The following DPP6 variants were observed in gnomAD, a reference collection of about 807,000 sequenced individuals.
DPP6 encodes A-type potassium channel modulatory protein DPP6.
DPP6 carries 69 observed loss-of-function variants against 122.6 expected under a neutral mutation model. The observed-to-expected ratio is 0.56, with a 90% CI of 0.46 to 0.69. The LOEUF (loss-of-function observed/expected upper bound fraction) is 0.69. DPP6 is among the 30% of genes least tolerant of loss of function. DPP6 has a pLI of 0.00. For missense variants in DPP6, 928 were observed against 1,116.9 expected, an observed-to-expected ratio of 0.83 and a Z score of 2.41; for synonymous variants, 418 against 433.1, an observed-to-expected ratio of 0.97 and a Z score of 0.43.
intron 7 of DPP6, among the ~76,000 whole-genome samples, chr7:154,679,527 G>A (rs543998628): frequency 1.9e-4 from 29 of 152,154 alleles, no homozygotes; most frequent in Admixed American, 7.9e-4. Context: ...GTTACAGCCT[G>A]GCTCAGGGTT....
At chr7:154,110,131 T>C (rs1806468912) in intron 1 of DPP6, among the ~76,000 whole-genome samples, 1 of 151,834 alleles carries the variant, frequency 6.6e-6, no homozygotes, top group Non-Finnish European at 1.5e-5. Context: ...TTGTCAACTG[T>C]GGCTTTCAGG....
chr7:154,706,922 A>G (rs1199564813), intron 7 of DPP6, among the ~76,000 whole-genome samples: 3 of 152,132 alleles, frequency 2.0e-5, no homozygotes, highest in Non-Finnish European at 4.4e-5. Context: ...GGGGCTTTTC[A>G]TCTTGATTTT....
At chr7:154,017,243 GT>G in intron 1 of DPP6, among the ~76,000 whole-genome samples, 1 of 152,160 alleles carries the variant, frequency 6.6e-6, no homozygotes, top group Middle Eastern at 3.4e-3. Context: ...AATTTTTTGA[GT>G]TTTTGTAGAG....
intron 10 of DPP6, among the ~76,000 whole-genome samples, chr7:154,790,289 G>A (rs1245651569): frequency 3.3e-5 from 5 of 152,184 alleles, no homozygotes; most frequent in Admixed American, 1.3e-4. Context: ...ATGAGATGTT[G>A]CTATGCGGGT....
At chr7:153,907,204 T>C (rs1799887309) in intron 1 of DPP6, among the ~76,000 whole-genome samples, 2 of 152,232 alleles carry the variant, frequency 1.3e-5, no homozygotes, top group Admixed American at 6.5e-5. Context: ...TTCTGAGTGC[T>C]GTAAGATGGT....
chr7:154,097,821 G>A (rs1180102394), intron 1 of DPP6, among the ~76,000 whole-genome samples: 1 of 152,198 alleles, frequency 6.6e-6, no homozygotes, highest in Non-Finnish European at 1.5e-5. Flanking sequence ...AGGAGGCCTC[G>A]GGTGCTAGCC....
chr7:154,098,331 G>A (rs1340313122), intron 1 of DPP6, among the ~76,000 whole-genome samples: 32 of 152,194 alleles, frequency 2.1e-4, no homozygotes, highest in South Asian at 2.1e-4. Flanking sequence ...CAGCCATGCT[G>A]AACTGTGAGT....
chr7:154,314,138 T>G (rs1585908910), intron 1 of DPP6, among the ~76,000 whole-genome samples: 1 of 152,290 alleles, frequency 6.6e-6, no homozygotes, highest in Middle Eastern at 3.4e-3. Flanking sequence ...TTGCTGTGCT[T>G]TGGCATGGAT....
At chr7:154,273,809 C>T (rs556840502) in intron 1 of DPP6, among the ~76,000 whole-genome samples, 1 of 152,328 alleles carries the variant, frequency 6.6e-6, no homozygotes, top group East Asian at 1.9e-4. Context: ...GAAACAGTTA[C>T]AGCAGCACCA....
chr7:154,130,846 C>T (rs1239053802), intron 1 of DPP6, among the ~76,000 whole-genome samples: 1 of 152,110 alleles, frequency 6.6e-6, no homozygotes, highest in East Asian at 1.9e-4. Context: ...CAAGAGTAGC[C>T]CCTGCAAGAC....
intron 1 of DPP6, among the ~76,000 whole-genome samples, chr7:154,313,819 A>T (rs1203827502): frequency 6.7e-6 from 1 of 149,838 alleles, no homozygotes. Flanking sequence ...GACTCAATAT[A>T]ATTATTAATA....
intron 2 of DPP6, among the ~76,000 whole-genome samples, chr7:154,474,257 TTTTTA>T (rs1305592184): frequency 6.6e-6 from 1 of 152,216 alleles, no homozygotes; most frequent in East Asian, 1.9e-4. Context: ...AGCTCTCAGA[TTTTTA>T]AAGTCTCACC....
At chr7:154,097,179 G>A (rs1805386249) in intron 1 of DPP6, among the ~76,000 whole-genome samples, 1 of 152,166 alleles carries the variant, frequency 6.6e-6, no homozygotes, top group Admixed American at 6.5e-5. Flanking sequence ...GGTGTACCTG[G>A]AACCAGCCAA....
intron 2 of DPP6, among the ~76,000 whole-genome samples, chr7:154,452,171 G>A (rs1026742945): frequency 6.6e-6 from 1 of 152,226 alleles, no homozygotes; most frequent in Non-Finnish European, 1.5e-5. Context: ...GACAGAATGT[G>A]GAAAGAGAAG....
chr7:154,643,562 A>AG (rs1464732675), intron 6 of DPP6, among the ~76,000 whole-genome samples: 1 of 144,640 alleles, frequency 6.9e-6, no homozygotes, highest in Admixed American at 7.2e-5. Flanking sequence ...TCCGCCCCCC[A>AG]GGTTCAAGCA....
chr7:154,814,683 G>T lies in DPP6; in HGVS notation c.1666+7571G>T, dbSNP rs543868121. ...TAGTCTCTCACAGTTCTGGAGGCCG[G>T]AAATCCAAAATCAAGCTGTTAGCCA... is the stretch of plus-strand genomic sequence containing the variant. On this transcript the variant is annotated intron_variant, in intron 16 of 25. Transcript: ENST00000377770. 8.1e-4 allele frequency among the ~76,000 whole-genome samples: 123 copies of T among 152,300 alleles called. 1 individual carries two copies. Among genetic ancestry groups the T allele is most frequent in the Middle Eastern group, 3.4e-3 (1 of 294 alleles).
chr7:154,075,121 C>T (rs1339452455), intron 1 of DPP6, among the ~76,000 whole-genome samples: 4 of 152,128 alleles, frequency 2.6e-5, no homozygotes, highest in East Asian at 3.9e-4. Context: ...CTTCCTCCTG[C>T]ACAAATGGCC....
intron 1 of DPP6, among the ~76,000 whole-genome samples, chr7:154,408,796 T>A (rs1816343679): frequency 6.6e-6 from 1 of 152,074 alleles, no homozygotes; most frequent in South Asian, 2.1e-4. Flanking sequence ...CTTGAATCAT[T>A]TATTTATATC....
At chr7:154,203,774 G>C (rs6955767) in intron 1 of DPP6, among the ~76,000 whole-genome samples, 13,804 of 152,150 alleles carry the variant, frequency 0.091, 1,441 homozygotes, top group African/African-American at 0.25. Flanking sequence ...GATCTAGAGA[G>C]AGGCAGGCGG....
Sources: allele counts gnomAD v4.1 joint callset (sites outside exome capture counted in the v4.1 genomes callset), GRCh38; gene constraint gnomAD v4.1.1; transcripts MANE v1.5; gene names NCBI Gene and HGNC (gene_info 2026-07-23, HGNC 2026-07-21).